PHF24: variants seen among roughly 807,000 people sequenced by gnomAD.
The protein encoded by PHF24 is Galpha inhibitory interacting protein.
In PHF24, 25 loss-of-function variants were observed where a neutral mutation model predicts 42.6. The ratio of observed to expected loss-of-function variants is 0.59; its 90% CI spans 0.43 to 0.82. The LOEUF is 0.82. Ranked by LOEUF, PHF24 falls within the 40% of genes least tolerant of loss-of-function variation. The probability of loss-of-function intolerance (pLI) is 0.00; values close to 1 mark genes in which losing one functional copy is unlikely to be tolerated. For synonymous variants in PHF24, 185 were observed against 204.8 expected, an observed-to-expected ratio of 0.90 and a Z score of 0.83; for missense variants, 470 against 538.1, an observed-to-expected ratio of 0.87 and a Z score of 1.25.
chr9:34,802,811 G>A, the PHF24 span, among the ~76,000 whole-genome samples: 2 of 152,138 alleles, frequency 1.3e-5, no homozygotes, highest in Admixed American at 6.5e-5. Context: ...TGATCTGGCT[G>A]CCCACTACAA....
At chr9:34,868,416 G>T in the PHF24 span, among the ~76,000 whole-genome samples, 1 of 152,246 alleles carries the variant, frequency 6.6e-6, no homozygotes, top group South Asian at 2.1e-4. Flanking sequence ...AAAAACTGGG[G>T]CTTCATTTTC....
At chr9:34,885,248 G>A in the PHF24 span, among the ~76,000 whole-genome samples, 2,829 of 152,294 alleles carry the variant, frequency 0.019, 104 homozygotes, top group African/African-American at 0.065. Flanking sequence ...CCATCCCTTA[G>A]GCACAGAACC....
the PHF24 span, among the ~76,000 whole-genome samples, chr9:34,891,303 T>C: frequency 6.6e-6 from 1 of 152,230 alleles, no homozygotes; most frequent in South Asian, 2.1e-4. Flanking sequence ...CCCAGGCCTT[T>C]GGAATACTGC....
chr9:34,672,645 T>C, the PHF24 span, among the ~76,000 whole-genome samples: 1 of 152,028 alleles, frequency 6.6e-6, no homozygotes, highest in Non-Finnish European at 1.5e-5. Context: ...GCCCGTGTCT[T>C]TTCTTAGGAA....
chr9:34,885,196 C>G, the PHF24 span, among the ~76,000 whole-genome samples: 2 of 152,212 alleles, frequency 1.3e-5, no homozygotes, highest in African/African-American at 4.8e-5. Flanking sequence ...AGGCCTAGAC[C>G]TTGTGACTTC....
chr9:34,875,948 ACACTCTCTCTCTCTCTCT>A, the PHF24 span, among the ~76,000 whole-genome samples: 3,732 of 79,940 alleles, frequency 0.047, 60 homozygotes, highest in East Asian at 0.064. Context: ...ACACACACAC[ACACTCTCTCTCTCTCTCT>A]CTCTCTCTCT....
the PHF24 span, among the ~76,000 whole-genome samples, chr9:34,680,484 C>T: frequency 1.3e-5 from 2 of 151,442 alleles, no homozygotes; most frequent in Non-Finnish European, 3.0e-5. Context: ...GTCAGGAGAT[C>T]GAGACCATCC....
At chr9:34,919,127 A>G in the PHF24 span, among the ~76,000 whole-genome samples, 12 of 152,302 alleles carry the variant, frequency 7.9e-5, no homozygotes, top group Non-Finnish European at 1.6e-4. Context: ...GAAAGTTCCC[A>G]TTTTATTATA....
chr9:34,877,280 C>CAAA, the PHF24 span, among the ~76,000 whole-genome samples: 3 of 114,378 alleles, frequency 2.6e-5, no homozygotes, highest in East Asian at 2.3e-4. Context: ...GACTCTGTCT[C>CAAA]AAAAAAAAAA....
the PHF24 span, among the ~76,000 whole-genome samples, chr9:34,800,401 C>T: frequency 1.1e-4 from 16 of 152,026 alleles, no homozygotes; most frequent in East Asian, 5.8e-4. Context: ...GGCATCACAC[C>T]ACCTGACTTC....
chr9:34,925,540 T>C, the PHF24 span, among the ~76,000 whole-genome samples: 1 of 152,110 alleles, frequency 6.6e-6, no homozygotes, highest in Non-Finnish European at 1.5e-5. Flanking sequence ...CTTTCTTCTT[T>C]CTTCTGCTTG....
At chr9:34,881,860 G>T in the PHF24 span, among the ~76,000 whole-genome samples, 7 of 152,106 alleles carry the variant, frequency 4.6e-5, no homozygotes, top group Admixed American at 1.3e-4. Flanking sequence ...TAATTCATTT[G>T]ATGAGGCCAG....
the PHF24 span, chr9:34,728,123 T>A: frequency 4.6e-6 from 7 of 1,531,900 alleles, no homozygotes; most frequent in Non-Finnish European, 6.2e-6. Context: ...ATGGGATAAT[T>A]TCATAGGCAT....
At chr9:34,801,766 G>A in the PHF24 span, among the ~76,000 whole-genome samples, 41 of 152,156 alleles carry the variant, frequency 2.7e-4, no homozygotes, top group African/African-American at 9.4e-4. Flanking sequence ...GCAGGGACAC[G>A]GATGAAGCTG....
chr9:34,718,538 C>T, the PHF24 span, among the ~76,000 whole-genome samples: 1 of 152,228 alleles, frequency 6.6e-6, no homozygotes, highest in Non-Finnish European at 1.5e-5. Flanking sequence ...GCAGAGGACA[C>T]AGGGGCTATT....
the PHF24 span, chr9:34,665,982 A>T: frequency 2.4e-6 from 1 of 422,058 alleles, no homozygotes; most frequent in Non-Finnish European, 4.3e-6. Context: ...GGTCACCTGG[A>T]GGGGGGGCTG....
chr9:34,843,246 T>C, the PHF24 span, among the ~76,000 whole-genome samples: 2 of 152,196 alleles, frequency 1.3e-5, no homozygotes, highest in Admixed American at 6.5e-5. Context: ...TGTAAAAATA[T>C]TAGATTGCCA....
At chr9:34,709,900 G>A in the PHF24 span, 1 of 1,614,220 alleles carries the variant, frequency 6.2e-7, no homozygotes, top group African/African-American at 1.3e-5. Flanking sequence ...ATCACTGCCT[G>A]CAGGGTGGGA....
the PHF24 span, among the ~76,000 whole-genome samples, chr9:34,690,748 A>G: frequency 1.3e-5 from 2 of 151,954 alleles, no homozygotes; most frequent in African/African-American, 2.4e-5. Context: ...AAATTTTTGA[A>G]TATCAGCCTT....
Sources: allele counts gnomAD v4.1 joint callset (sites outside exome capture counted in the v4.1 genomes callset), GRCh38; gene constraint gnomAD v4.1.1; transcripts MANE v1.5; gene names NCBI Gene and HGNC (gene_info 2026-07-23, HGNC 2026-07-21).